WDR43: variants seen among roughly 807,000 people sequenced by gnomAD.
WDR43 encodes the protein WD repeat domain 43, also known as WD repeat-containing protein 43.
WDR43 carries 13 observed loss-of-function variants against 91.4 expected under a neutral mutation model. That is an observed-to-expected ratio of 0.14 (90% CI 0.09 to 0.23). WDR43 has a LOEUF of 0.23. WDR43 is among the 10% of genes least tolerant of loss of function. WDR43 has a pLI of 1.00. For synonymous variants in WDR43, 331 were observed against 287.9 expected (o/e 1.15, Z -1.51); for missense variants, 780 against 809.4 (o/e 0.96, Z 0.44).
At chr2:28,902,999 A>G (rs901349953) in intron 2 of WDR43, among the ~76,000 whole-genome samples, 3 of 152,212 alleles carry the variant, frequency 2.0e-5, no homozygotes, top group African/African-American at 7.2e-5. Flanking sequence ...AAGGAAAAAA[A>G]TTTATACCTA....
At chr2:28,927,019 A>G (rs778238132) in intron 9 of WDR43, 2 of 516,816 alleles carry the variant, frequency 3.9e-6, no homozygotes, top group Non-Finnish European at 7.7e-6. Context: ...TGGTGTCTAC[A>G]TGTAGGGGAC....
intron 4 of WDR43, 54 bp from the exon 5 acceptor site, chr2:28,914,015 A>C (rs536382323): frequency 1.2e-4 from 193 of 1,599,508 alleles, no homozygotes; most frequent in Non-Finnish European, 1.6e-4. Context: ...TATACTATTA[A>C]TTTTTGTCCC....
Position 28,914,097 on chromosome 2 carries a change from C to T in WDR43, c.635C>T (p.Ser212Leu), listed in dbSNP as rs765060926. 83 of 1,613,742 alleles carry T rather than the reference C, an allele frequency of 5.1e-5. No individual in the cohort carries two copies. Among genetic ancestry groups the T allele is most frequent in the Non-Finnish European group, 6.4e-5 (75 of 1,179,856 alleles). ...TTCACAGGACATGCAACGCCAGTTTCGTCACTGATGTTCACTACCATCAGA... is the reference window on the plus strand; with the variant it reads ...TTCACAGGACATGCAACGCCAGTTTTGTCACTGATGTTCACTACCATCAGA... ...RHFTGHATPV[S>L]SLMFTTIRPP... is the part of the protein sequence containing the mutation. The change falls in exon 5 of 18, where the codon TCG becomes TTG. Residue 212 changes from serine to leucine, a missense_variant. Ser to Leu is a moderately radical substitution (Grantham distance 145). Coordinates refer to ENST00000407426, the MANE Select transcript of WDR43 (RefSeq NM_015131.3).
intron 8 of WDR43, among the ~76,000 whole-genome samples, chr2:28,925,543 A>T (rs183005617): frequency 2.0e-5 from 3 of 152,216 alleles, no homozygotes; most frequent in Admixed American, 6.5e-5. Flanking sequence ...AGTTACGAAG[A>T]TATGAATCTT....
intron 2 of WDR43, among the ~76,000 whole-genome samples, chr2:28,905,374 TAGTG>T (rs1222706444): frequency 2.0e-5 from 3 of 152,162 alleles, no homozygotes; most frequent in Admixed American, 6.5e-5. Flanking sequence ...ACGTGCCTCT[TAGTG>T]AGTGGGCATC....
chr2:28,906,348 G>A, intron 2 of WDR43, 112 bp from the exon 3 acceptor site: 1 of 1,058,052 alleles, frequency 9.5e-7, no homozygotes, highest in Non-Finnish European at 1.3e-6. Flanking sequence ...TGGGCCAGGA[G>A]CACTGGCTCA....
At chr2:28,922,871 C>T in intron 6 of WDR43, 48 bp from the exon 7 acceptor site, 4 of 1,423,796 alleles carry the variant, frequency 2.8e-6, no homozygotes, top group Non-Finnish European at 3.8e-6. Context: ...AGATTGGGGA[C>T]TGGAGTATGT....
chr2:28,922,738 A>C (rs563170188), intron 6 of WDR43, among the ~76,000 whole-genome samples, 181 bp from the exon 7 acceptor site: 12 of 151,218 alleles, frequency 7.9e-5, no homozygotes, highest in South Asian at 2.1e-4. Flanking sequence ...AATCTTGACA[A>C]CACCACCACT....
intron 2 of WDR43, among the ~76,000 whole-genome samples, chr2:28,903,991 GATGGGGTTTTGTC>G (rs1245866156): frequency 6.6e-6 from 1 of 152,068 alleles, no homozygotes; most frequent in Non-Finnish European, 1.5e-5. Flanking sequence ...TTTTAGTAGA[GATGGGGTTTTGTC>G]ATGTTGGCCA....
At chr2:28,913,529 A>G (rs2148184945) in intron 4 of WDR43, 2 of 368,512 alleles carry the variant, frequency 5.4e-6, no homozygotes, top group South Asian at 2.1e-5. Context: ...AGTTTTTACT[A>G]TGTGATGATT....
At chr2:28,901,097 T>G (rs76552840) in intron 1 of WDR43, among the ~76,000 whole-genome samples, 1 of 152,230 alleles carries the variant, frequency 6.6e-6, no homozygotes, top group Non-Finnish European at 1.5e-5. Flanking sequence ...TAAGAAGATA[T>G]TCTCTTTTCT....
intron 4 of WDR43, 55 bp from the exon 5 acceptor site, chr2:28,914,014 A>G: frequency 6.3e-7 from 1 of 1,597,766 alleles, no homozygotes; most frequent in South Asian, 1.1e-5. Flanking sequence ...ATATACTATT[A>G]ATTTTTGTCC....
rs2148203681 is a variant in WDR43 at position 28,947,629 on chromosome 2, T to A, written c.*850T>A. The A allele has an allele frequency of 6.6e-6, 1 of 152,150 alleles. No individual in the cohort carries two copies. Among genetic ancestry groups the A allele is most frequent in the African/African-American group, 2.4e-5 (1 of 41,544 alleles). 9.4% of individuals were successfully genotyped at this position (152,150 alleles called of 1,614,324 possible). Reference sequence around the variant, plus strand: ...AATTACTAATGGATCAAAGAACAATTGTTTATTTTTTCTCTTTGGTTTTAG... The same window carrying A: ...AATTACTAATGGATCAAAGAACAATAGTTTATTTTTTCTCTTTGGTTTTAG... On this transcript the variant is annotated 3_prime_UTR_variant, in exon 18 of 18. Transcript: ENST00000407426.
intron 10 of WDR43, chr2:28,928,174 C>A: frequency 6.5e-6 from 1 of 153,354 alleles, no homozygotes; most frequent in Non-Finnish European, 1.5e-5. Context: ...GGTTACTGTA[C>A]ATGTCTGTGC....
At chr2:28,918,188 T>G (rs899703377) in intron 6 of WDR43, among the ~76,000 whole-genome samples, 193 bp downstream of exon 6, 79 of 152,284 alleles carry the variant, frequency 5.2e-4, no homozygotes, top group African/African-American at 1.8e-3. Flanking sequence ...GGGAAAAGTT[T>G]GTACAGGACG....
chr2:28,926,927 G>A, intron 9 of WDR43: 1 of 372,848 alleles, frequency 2.7e-6, no homozygotes, highest in Non-Finnish European at 5.4e-6. Flanking sequence ...ATTTCAGGGT[G>A]TAATAAAACC....
At chr2:28,946,062 G>A (rs186692818) in intron 16 of WDR43, among the ~76,000 whole-genome samples, 1 of 152,182 alleles carries the variant, frequency 6.6e-6, no homozygotes, top group Non-Finnish European at 1.5e-5. Context: ...TTAGCCAGGT[G>A]TGGTGGCTCA....
intron 11 of WDR43, chr2:28,930,248 T>A: frequency 2.7e-6 from 1 of 368,316 alleles, no homozygotes; most frequent in Non-Finnish European, 5.5e-6. Flanking sequence ...GAGGCATTTA[T>A]GATTTCTGTG....
In WDR43 at chr2:28,926,474, A is replaced by T; in HGVS notation, c.1093A>T (p.Asn365Tyr). 2 of 1,561,954 alleles carry T rather than the reference A, an allele frequency of 1.3e-6. No homozygotes were observed. The highest frequency in any genetic ancestry group is 1.7e-6 in the Non-Finnish European group (2 of 1,152,254). Reference protein sequence around the residue: ...FQPTIERVALNSREPHMCLVR... With the variant: ...FQPTIERVALYSREPHMCLVR... ...AAAAAAAATATATTTTCAGGCTTTAAACTCCAGAGAACCTCATATGTGTTT... is the reference window on the plus strand; with the variant it reads ...AAAAAAAATATATTTTCAGGCTTTATACTCCAGAGAACCTCATATGTGTTT... The change falls in exon 9 of 18, where the codon AAC becomes TAC. Residue 365 changes from asparagine (N) to tyrosine (Y), a missense_variant. Asn to Tyr is a moderately radical substitution (Grantham distance 143). This residue lies in a region of WDR43 where 426 missense variants were observed against 467.8 expected (regional missense o/e 0.91). Transcript: ENST00000407426.
Sources: allele counts gnomAD v4.1 joint callset (sites outside exome capture counted in the v4.1 genomes callset), GRCh38; gene constraint gnomAD v4.1.1; regional missense constraint gnomAD v4.1.1; transcripts MANE v1.5; gene names NCBI Gene and HGNC (gene_info 2026-07-23, HGNC 2026-07-21).